Variants in RASGRP1 observed in about 807,000 individuals in gnomAD.
RASGRP1 encodes RAS guanyl releasing protein 1, also known as RAS guanyl-releasing protein 1.
A neutral mutation model predicts 95.1 loss-of-function variants in RASGRP1; 37 were observed. The observed-to-expected ratio is 0.39, with a 90% CI of 0.30 to 0.51. The LOEUF is 0.51. Ranked by LOEUF, RASGRP1 falls within the 20% of genes least tolerant of loss-of-function variation. The pLI, the probability that RASGRP1 is intolerant of heterozygous loss-of-function variation, is 0.80. For synonymous variants in RASGRP1, 325 were observed against 353.4 expected (o/e 0.92, Z 0.90); for missense variants, 711 against 965.4 (o/e 0.74, Z 3.49).
In RASGRP1 at chr15:38,489,913, G is replaced by C. The variant is rs996687251; in HGVS notation, c.*641C>G. 3 of 152,316 alleles carry C rather than the reference G, an allele frequency of 2.0e-5. No homozygotes were observed. Among genetic ancestry groups the C allele is most frequent in the Admixed American group, 6.6e-5 (1 of 15,266 alleles). 9.4% of individuals were successfully genotyped at this position (152,316 alleles called of 1,614,324 possible). A position where few individuals can be genotyped will look rare whatever the true frequency, so the allele number is the denominator to read the frequency against. ...AGTTGTAAGGCTACAACTATAAGTT[G>C]ACCTGCAATTGGATAACGTCATGTT... On this transcript the variant is annotated 3_prime_UTR_variant, in exon 17 of 17. Transcript: ENST00000310803.
intron 16 of RASGRP1, 98 bp from the exon 17 acceptor site, chr15:38,490,786 C>T: frequency 7.8e-7 from 1 of 1,279,852 alleles, no homozygotes; most frequent in Admixed American, 2.3e-5. Context: ...TTCCTATTCA[C>T]TGTGGCTGAG....
At chr15:38,517,456 T>C (rs1225310196) in intron 5 of RASGRP1, among the ~76,000 whole-genome samples, 2 of 152,164 alleles carry the variant, frequency 1.3e-5, no homozygotes, top group Admixed American at 6.5e-5. Flanking sequence ...AACAGACTTA[T>C]TTGGGGCTCT....
intron 14 of RASGRP1, 58 bp from the exon 15 acceptor site, chr15:38,499,004 G>A: frequency 1.2e-6 from 2 of 1,609,116 alleles, no homozygotes; most frequent in South Asian, 2.2e-5. Context: ...TCCCCAGTGT[G>A]TCTCACAACC....
chr15:38,495,438 C>T (rs117742909), intron 15 of RASGRP1, among the ~76,000 whole-genome samples: 3,177 of 151,978 alleles, frequency 0.021, 51 homozygotes, highest in Non-Finnish European at 0.029. Flanking sequence ...TTGAGGTGGG[C>T]GATAGATAGG....
intron 10 of RASGRP1, chr15:38,504,266 AT>A (rs1371477731): frequency 4.0e-5 from 6 of 150,716 alleles, no homozygotes; most frequent in Admixed American, 4.0e-4. Flanking sequence ...AGTTTCTTAA[AT>A]TTTTTCTTCA....
chr15:38,526,350 A>G lies in RASGRP1; in HGVS notation c.275T>C (p.Met92Thr). 6.2e-7 allele frequency: 1 copy of G among 1,613,364 alleles called. No individual in the cohort carries two copies. Among genetic ancestry groups the G allele is most frequent in the African/African-American group, 1.3e-5 (1 of 75,010 alleles). The change falls in exon 3 of 17, where the codon ATG becomes ACG. Residue 92 changes from methionine to threonine, a missense_variant. By Grantham distance (81) the Met-to-Thr change is moderately conservative (BLOSUM62 -1). Coordinates refer to ENST00000310803, the MANE Select transcript of RASGRP1 (RefSeq NM_005739.4). ...SNQLLQVMLT[M>T]HRIVISSAEL... is the part of the protein sequence containing the mutation. ...TGCAGAGGAGATGACAATTCGGTGCATGGTCAGCATGACTTGCAACAGTTG... is the reference window on the plus strand; with the variant it reads ...TGCAGAGGAGATGACAATTCGGTGCGTGGTCAGCATGACTTGCAACAGTTG...
intron 1 of RASGRP1, 126 bp downstream of exon 1, chr15:38,564,468 G>A (rs1893949648): frequency 2.2e-6 from 2 of 905,394 alleles, no homozygotes; most frequent in Non-Finnish European, 1.4e-6. Flanking sequence ...TGGTGTCCCG[G>A]GACTCCGGCC....
At chr15:38,558,162 C>T (rs2141197014) in intron 2 of RASGRP1, among the ~76,000 whole-genome samples, 1 of 152,200 alleles carries the variant, frequency 6.6e-6, no homozygotes, top group Middle Eastern at 3.4e-3. Context: ...AATCTGACTG[C>T]TGAAATGGTG....
intron 8 of RASGRP1, among the ~76,000 whole-genome samples, chr15:38,510,263 A>AATCTCTGTGACTATTTCTCTCT: frequency 6.6e-6 from 1 of 152,204 alleles, no homozygotes; most frequent in East Asian, 1.9e-4. Flanking sequence ...AAGGCTTCTT[A>AATCTCTGTGACTATTTCTCTCT]ATCTCTGTGA....
At position 38,557,543 on chromosome 15, in the gene RASGRP1, T is replaced by TA. The variant is rs199568977; in HGVS notation, c.220+2277dup. On this transcript the variant is annotated intron_variant, in intron 2 of 16. Transcript: ENST00000310803. ...GCACTTACTCAAACTCTACATGGTA[T>TA]AAAAACTTACTCTTCCTGCATGCCT... 4.6e-3 allele frequency among the ~76,000 whole-genome samples: 701 copies of TA among 152,186 alleles called. 3 individuals are homozygous for TA. The highest frequency in any genetic ancestry group is 0.015 in the African/African-American group (630 of 41,510).
intron 2 of RASGRP1, chr15:38,534,100 C>T (rs1288309033): frequency 3.3e-5 from 5 of 152,404 alleles, no homozygotes; most frequent in African/African-American, 1.2e-4. Context: ...TGAACCCATT[C>T]CACTCCTCAT....
intron 10 of RASGRP1, among the ~76,000 whole-genome samples, chr15:38,505,491 G>C (rs1208099610): frequency 6.6e-6 from 1 of 152,044 alleles, no homozygotes; most frequent in East Asian, 1.9e-4. Context: ...TAATGCGGGG[G>C]GGATGTCACT....
intron 2 of RASGRP1, among the ~76,000 whole-genome samples, chr15:38,538,749 A>G (rs1309323178): frequency 6.6e-6 from 1 of 152,178 alleles, no homozygotes; most frequent in African/African-American, 2.4e-5. Context: ...AGAGCTTCAT[A>G]ATGTCTTACG....
chr15:38,504,557 G>A (rs1891179115), intron 10 of RASGRP1: 1 of 152,106 alleles, frequency 6.6e-6, no homozygotes, highest in South Asian at 2.1e-4. Flanking sequence ...CCTATTGGAA[G>A]GTCTTTAGGG....
intron 2 of RASGRP1, among the ~76,000 whole-genome samples, chr15:38,542,910 T>C (rs958464393): frequency 1.4e-4 from 20 of 145,492 alleles, no homozygotes; most frequent in African/African-American, 4.3e-4. Flanking sequence ...TATATACACA[T>C]ATATATGTGT....
chr15:38,501,510 C>A, intron 12 of RASGRP1: 1 of 679,374 alleles, frequency 1.5e-6, no homozygotes, highest in East Asian at 3.0e-5. Context: ...CAGAGGTGTT[C>A]TTTGGCCAAA....
intron 15 of RASGRP1, among the ~76,000 whole-genome samples, chr15:38,497,159 T>C (rs1890824026): frequency 1.3e-5 from 2 of 152,204 alleles, no homozygotes; most frequent in Admixed American, 1.3e-4. Context: ...ATATGTTCTT[T>C]AGTTAGTCAA....
chr15:38,498,851 T>G lies in RASGRP1; in HGVS notation c.1816A>C (p.Thr606Pro). The change falls in exon 15 of 17, where the codon ACT becomes CCT. Residue 606 changes from threonine (T) to proline (P), a missense_variant. Coordinates refer to ENST00000310803, the MANE Select transcript of RASGRP1 (RefSeq NM_005739.4). ...KNPVAPTENN[T>P]SVGPVSNLCS... ...AGGTTGGACACTGGCCCCACAGAAG[T>G]GTTGTTCTCTGTGGGAGCTACTGGG... 1 of 1,613,904 alleles carries G rather than the reference T, an allele frequency of 6.2e-7. No individual in the cohort carries two copies. Among genetic ancestry groups the G allele is most frequent in the Non-Finnish European group, 8.5e-7 (1 of 1,179,860 alleles).
intron 3 of RASGRP1, among the ~76,000 whole-genome samples, chr15:38,521,688 C>A (rs886764126): frequency 2.0e-5 from 3 of 152,186 alleles, no homozygotes; most frequent in Non-Finnish European, 4.4e-5. Flanking sequence ...AGACCCCATA[C>A]CTTTTTCTTT....
Sources: allele counts gnomAD v4.1 joint callset (sites outside exome capture counted in the v4.1 genomes callset), GRCh38; gene constraint gnomAD v4.1.1; transcripts MANE v1.5; gene names NCBI Gene and HGNC (gene_info 2026-07-23, HGNC 2026-07-21).